STAT1: variants seen among roughly 807,000 people sequenced by gnomAD.
STAT1 encodes the protein signal transducer and activator of transcription 1-alpha/beta.
In STAT1, 24 loss-of-function variants were observed where a neutral mutation model predicts 111.7. The ratio of observed to expected loss-of-function variants is 0.21; its 90% CI spans 0.16 to 0.30. The LOEUF is 0.30. Ranked by LOEUF, STAT1 falls within the 10% of genes least tolerant of loss-of-function variation. The pLI is 1.00. For synonymous variants in STAT1, 332 were observed against 326.5 expected, an observed-to-expected ratio of 1.02 and a Z score of -0.18; for missense variants, 351 against 911.9, an observed-to-expected ratio of 0.38 and a Z score of 7.92.
In STAT1 at chr2:190,976,805, G is replaced by A; in HGVS notation, c.2059+35C>T. 5.1e-6 allele frequency: 8 copies of A among 1,576,464 alleles called. No individual in the cohort carries two copies. The highest frequency in any genetic ancestry group is 7.0e-6 in the Non-Finnish European group (8 of 1,145,824). On this transcript the variant is annotated intron_variant, in intron 22 of 24. Transcript: ENST00000361099. This position sits in a 1 kb window ranked among gnomAD's most constrained non-coding sequence, Gnocchi z 6.0. ...AATCACCCCCTCATCAGGAAAGACTGTGCCACGCTGTTACCACCTGCTTGC... is the reference window on the plus strand; with the variant it reads ...AATCACCCCCTCATCAGGAAAGACTATGCCACGCTGTTACCACCTGCTTGC...
chr2:190,972,733 C>CTT (rs576414210), intron 24 of STAT1, among the ~76,000 whole-genome samples: 3 of 126,396 alleles, frequency 2.4e-5, no homozygotes, highest in South Asian at 2.5e-4. Context: ...CTTTTCTTTT[C>CTT]TTTTTTTTTT....
chr2:190,970,624 G>T lies in STAT1; in HGVS notation c.*79C>A. The stretch of plus-strand genomic sequence containing the variant: ...TTTCATTTCCCTAGAAACACAGGAT[G>T]TGAAGGAACAGAGTAGCAGGAGGGA... On this transcript the variant is annotated 3_prime_UTR_variant, in exon 25 of 25. Coordinates refer to ENST00000361099, the MANE Select transcript of STAT1 (RefSeq NM_007315.4). The surrounding 1 kb of genome is among the most constrained non-coding windows in gnomAD (Gnocchi z 5.4). 6.7e-7 allele frequency: 1 copy of T among 1,486,980 alleles called. No homozygotes were observed. Among genetic ancestry groups the T allele is most frequent in the Non-Finnish European group, 9.4e-7 (1 of 1,065,554 alleles). 92.1% of individuals were successfully genotyped at this position (1,486,980 alleles called of 1,614,324 possible).
chr2:190,991,006 GA>G (rs1419104974), intron 11 of STAT1, among the ~76,000 whole-genome samples: 1 of 151,868 alleles, frequency 6.6e-6, no homozygotes, highest in African/African-American at 2.4e-5. Context: ...TTTATGATTG[GA>G]AAAAAACCAG....
At chr2:190,991,885 C>T (rs1207098461) in intron 10 of STAT1, among the ~76,000 whole-genome samples, 1 of 151,664 alleles carries the variant, frequency 6.6e-6, no homozygotes, top group Non-Finnish European at 1.5e-5. Flanking sequence ...ATAAAAACCC[C>T]GTATTTAATT....
In STAT1 at chr2:190,998,902, G is replaced by C. The variant is rs1694053774; in HGVS notation, c.542-594C>G. 6.6e-6 allele frequency among the ~76,000 whole-genome samples: 1 copy of C among 152,052 alleles called. No individual in the cohort carries two copies. Among genetic ancestry groups the C allele is most frequent in the South Asian group, 2.1e-4 (1 of 4,824 alleles). On this transcript the variant is annotated intron_variant, in intron 7 of 24. Transcript: ENST00000361099. The surrounding 1 kb of genome is among the most constrained non-coding windows in gnomAD (Gnocchi z 4.1). ...AAAGCATAGCTGTAGCTTTCAAAGAGAAGTAGATGAGTAGGAAGTGGTAGT... is the reference window on the plus strand; with the variant it reads ...AAAGCATAGCTGTAGCTTTCAAAGACAAGTAGATGAGTAGGAAGTGGTAGT...
chr2:190,974,958 A>G lies in STAT1; in HGVS notation c.2136-26T>C. 1 of 1,536,626 alleles carries G rather than the reference A, an allele frequency of 6.5e-7. No individual in the cohort carries two copies. Among genetic ancestry groups the G allele is most frequent in the Non-Finnish European group, 9.0e-7 (1 of 1,110,218 alleles). The stretch of plus-strand genomic sequence containing the variant: ...CTAAAATGGGGAAAAAGAAAAGAGC[A>G]ATGTCAACATCTGAGTGATGAAAGC... On this transcript the variant is annotated intron_variant, in intron 23 of 24. Coordinates refer to ENST00000361099, the MANE Select transcript of STAT1 (RefSeq NM_007315.4). The surrounding 1 kb of genome is among the most constrained non-coding windows in gnomAD (Gnocchi z 4.8).
rs913551100 is a variant in STAT1, at chr2:190,986,754, G to C, written c.1221+100C>G. Reference sequence around the variant, plus strand: ...CCACAAAGTCTACAAACCCCAGCAGGGGGGCGTCCTCCACATGGCAATGTG... The same window carrying C: ...CCACAAAGTCTACAAACCCCAGCAGCGGGGCGTCCTCCACATGGCAATGTG... On this transcript the variant is annotated intron_variant, in intron 14 of 24. Transcript: ENST00000361099. The surrounding 1 kb of genome is among the most constrained non-coding windows in gnomAD (Gnocchi z 5.0). 5.2e-6 allele frequency: 6 copies of C among 1,165,044 alleles called. No individual in the cohort carries two copies. The highest frequency in any genetic ancestry group is 1.7e-5 in the Admixed American group (1 of 59,000). The allele number at this position is 1,165,044 out of a possible 1,614,324, so 72.2% of individuals were successfully genotyped here. A position where few individuals can be genotyped will look rare whatever the true frequency, so the allele number is the denominator to read the frequency against.
In STAT1 at chr2:190,973,253, C is replaced by T. The variant is rs781221460; in HGVS notation, c.2238+1577G>A. Among the ~76,000 whole-genome samples, 1 of 152,100 alleles carries T rather than the reference C, an allele frequency of 6.6e-6. No homozygotes were observed. The highest frequency in any genetic ancestry group is 1.5e-5 in the Non-Finnish European group (1 of 68,016). On this transcript the variant is annotated intron_variant, in intron 24 of 24. Transcript: ENST00000361099. This position sits in a 1 kb window ranked among gnomAD's most constrained non-coding sequence, Gnocchi z 4.4. ...TTTTGTGGGAGGCTTTCCAGGATAC[C>T]GGACAAAAGCATGCACTAGAGACTC...
intron 14 of STAT1, 111 bp from the exon 15 acceptor site, chr2:190,985,771 T>C (rs1692755535): frequency 2.5e-6 from 3 of 1,182,948 alleles, no homozygotes; most frequent in Non-Finnish European, 3.7e-6. Context: ...GACGTGACTT[T>C]ATCTTTAGAA....
chr2:190,972,361 T>G (rs1475753363), intron 24 of STAT1, among the ~76,000 whole-genome samples: 2 of 152,334 alleles, frequency 1.3e-5, no homozygotes. Flanking sequence ...AGGAAAACAC[T>G]GATTACACAG....
rs1692432866 is a variant in STAT1, at chr2:190,982,045, T to C, written c.1582+338A>G. Reference sequence around the variant, plus strand: ...GGGACTTCCTTTTTTCTCCCCAAGGTTAATGGTTAATAGGCCTTCATCTTT... The same window carrying C: ...GGGACTTCCTTTTTTCTCCCCAAGGCTAATGGTTAATAGGCCTTCATCTTT... On this transcript the variant is annotated intron_variant, in intron 18 of 24. Coordinates refer to ENST00000361099, the MANE Select transcript of STAT1 (RefSeq NM_007315.4). This position sits in a 1 kb window ranked among gnomAD's most constrained non-coding sequence, Gnocchi z 7.3. 6.6e-6 allele frequency among the ~76,000 whole-genome samples: 1 copy of C among 152,220 alleles called. No individual in the cohort carries two copies. The highest frequency in any genetic ancestry group is 1.9e-4 in the East Asian group (1 of 5,206).
At position 190,989,626 on chromosome 2, in the gene STAT1, G is replaced by A. The variant is rs1422113035; in HGVS notation, c.1086C>T (p.Val362=). ...QELNYNLKVK[V]LFDKDVNERN... ...TAAAGATATCTTACTTATCAAATAA[G>A]ACTTTGACTTTCAAATTATAATTCA... Residue 362 remains valine (V), a synonymous_variant, in exon 12 of 25, where the codon GTC becomes GTT. Transcript: ENST00000361099. This position sits in a 1 kb window ranked among gnomAD's most constrained non-coding sequence, Gnocchi z 5.0. 6.4e-7 allele frequency: 1 copy of A among 1,570,058 alleles called. No homozygotes were observed. Among genetic ancestry groups the A allele is most frequent in the African/African-American group, 1.4e-5 (1 of 73,656 alleles).
At position 190,976,713 on chromosome 2, in the gene STAT1, G is replaced by C; in HGVS notation, c.2059+127C>G. 2.5e-6 allele frequency: 2 copies of C among 795,006 alleles called. No individual in the cohort carries two copies. The highest frequency in any genetic ancestry group is 2.9e-5 in the South Asian group (2 of 68,336). The allele number at this position is 795,006 out of a possible 1,614,324, so 49.2% of individuals were successfully genotyped here. ...TATGTTTCACCTGCACTGAGTTTAT[G>C]CCATCTTTTGAAAGCCTACTCTTAC... On this transcript the variant is annotated intron_variant, in intron 22 of 24. Transcript: ENST00000361099. The surrounding 1 kb of genome is among the most constrained non-coding windows in gnomAD (Gnocchi z 6.0).
In STAT1 at chr2:190,989,523, A is replaced by G. The variant is rs1343681765; in HGVS notation, c.1097+92T>C. ...AGTATAGACCCTTCCACAGCTAGAA[A>G]TCTGCTTATTTAGTGGAGGAATCTG... On this transcript the variant is annotated intron_variant, in intron 12 of 24. Coordinates refer to ENST00000361099, the MANE Select transcript of STAT1 (RefSeq NM_007315.4). This position sits in a 1 kb window ranked among gnomAD's most constrained non-coding sequence, Gnocchi z 5.0. The G allele has an allele frequency of 1.1e-6, 1 of 901,078 alleles. No individual in the cohort carries two copies. The highest frequency in any genetic ancestry group is 1.7e-6 in the Non-Finnish European group (1 of 577,408). 55.8% of individuals were successfully genotyped at this position (901,078 alleles called of 1,614,324 possible). A position where few individuals can be genotyped will look rare whatever the true frequency, so the allele number is the denominator to read the frequency against.
Position 190,999,776 on chromosome 2 carries a change from C to T in STAT1, c.463-72G>A. 2 of 1,064,426 alleles carry T rather than the reference C, an allele frequency of 1.9e-6. No individual in the cohort carries two copies. The highest frequency in any genetic ancestry group is 1.3e-5 in the South Asian group (1 of 78,020). 65.9% of individuals were successfully genotyped at this position (1,064,426 alleles called of 1,614,324 possible). A position where few individuals can be genotyped will look rare whatever the true frequency, so the allele number is the denominator to read the frequency against. ...AAAGACTTTAGGCAACAGAGTATTG[C>T]TTCTATGGAACCCAGAGAAACACGA... On this transcript the variant is annotated intron_variant, in intron 6 of 24. Transcript: ENST00000361099. This position sits in a 1 kb window ranked among gnomAD's most constrained non-coding sequence, Gnocchi z 4.1.
rs1263740948 is a variant in STAT1 at position 190,993,597 on chromosome 2, C to T, written c.944+1464G>A. 1 of 592,200 alleles carries T rather than the reference C, an allele frequency of 1.7e-6. No individual in the cohort carries two copies. The highest frequency in any genetic ancestry group is 3.3e-6 in the Non-Finnish European group (1 of 304,442). 36.7% of individuals were successfully genotyped at this position (592,200 alleles called of 1,614,324 possible). On this transcript the variant is annotated intron_variant, in intron 10 of 24. Coordinates refer to ENST00000361099, the MANE Select transcript of STAT1 (RefSeq NM_007315.4). This position sits in a 1 kb window ranked among gnomAD's most constrained non-coding sequence, Gnocchi z 4.1. Reference sequence around the variant, plus strand: ...CTGTAGCTGCCACCGCTGCCACGGCCACCCTTGCTGCTACAGCTGCTGCCC... The same window carrying T: ...CTGTAGCTGCCACCGCTGCCACGGCTACCCTTGCTGCTACAGCTGCTGCCC...
intron 12 of STAT1, among the ~76,000 whole-genome samples, chr2:190,988,239 C>T (rs767287472): frequency 6.6e-5 from 10 of 152,212 alleles, no homozygotes; most frequent in Non-Finnish European, 1.3e-4. Flanking sequence ...GAAGAAGGAC[C>T]TGGTTATCCC....
At position 190,975,610 on chromosome 2, in the gene STAT1, C is replaced by T; in HGVS notation, c.2135+202G>A. 7.0e-6 allele frequency: 10 copies of T among 1,418,700 alleles called. No individual in the cohort carries two copies. The highest frequency in any genetic ancestry group is 9.2e-6 in the Non-Finnish European group (10 of 1,085,836). 87.9% of individuals were successfully genotyped at this position (1,418,700 alleles called of 1,614,324 possible). A position where few individuals can be genotyped will look rare whatever the true frequency, so the allele number is the denominator to read the frequency against. On this transcript the variant is annotated intron_variant, in intron 23 of 24. Coordinates refer to ENST00000361099, the MANE Select transcript of STAT1 (RefSeq NM_007315.4). The surrounding 1 kb of genome is among the most constrained non-coding windows in gnomAD (Gnocchi z 5.9). The stretch of plus-strand genomic sequence containing the variant: ...TGGGAAAATTTATATACCTTAAATA[C>T]AAATTTGGTTTTTGGCTTTTTTTTT...
chr2:190,975,749 C>G lies in STAT1; in HGVS notation c.2135+63G>C. 6.2e-7 allele frequency: 1 copy of G among 1,609,136 alleles called. No homozygotes were observed. Among genetic ancestry groups the G allele is most frequent in the Admixed American group, 1.7e-5 (1 of 59,488 alleles). On this transcript the variant is annotated intron_variant, in intron 23 of 24. Transcript: ENST00000361099. The surrounding 1 kb of genome is among the most constrained non-coding windows in gnomAD (Gnocchi z 5.9). The stretch of plus-strand genomic sequence containing the variant: ...GTAAAATACAAGCATCTTCAACAGG[C>G]CCCAGCCAGGAGCAAGGCTGGCTTG...
Sources: allele counts gnomAD v4.1 joint callset (sites outside exome capture counted in the v4.1 genomes callset), GRCh38; gene constraint gnomAD v4.1.1; non-coding constraint Gnocchi (gnomAD v3.1); transcripts MANE v1.5; gene names NCBI Gene and HGNC (gene_info 2026-07-23, HGNC 2026-07-21).